The following PTPRT variants were observed in gnomAD, a reference collection of about 807,000 sequenced individuals.
PTPRT encodes the protein protein tyrosine phosphatase receptor type T.
PTPRT carries 56 observed loss-of-function variants against 176.8 expected under a neutral mutation model. That is an observed-to-expected ratio of 0.32 (90% CI 0.26 to 0.40). The LOEUF is 0.40. Ranked by LOEUF, PTPRT falls within the 10% of genes least tolerant of loss-of-function variation. PTPRT has a pLI of 1.00. For missense variants in PTPRT, 1,540 were observed against 1,908.2 expected (o/e 0.81, Z 3.60); for synonymous variants, 783 against 739.0 (o/e 1.06, Z -0.96).
chr20:42,492,968 AT>A (rs1353808377), intron 7 of PTPRT, among the ~76,000 whole-genome samples: 1 of 152,130 alleles, frequency 6.6e-6, no homozygotes, highest in Non-Finnish European at 1.5e-5. Context: ...GTCTCTAGTT[AT>A]TTTTTGTCTA....
chr20:43,102,362 G>A (rs2012430914), intron 1 of PTPRT, among the ~76,000 whole-genome samples: 1 of 150,722 alleles, frequency 6.6e-6, no homozygotes, highest in Non-Finnish European at 1.5e-5. Context: ...TTTTAAATGT[G>A]TACAACTAGT....
At chr20:42,328,110 C>A (rs2057911933) in intron 11 of PTPRT, among the ~76,000 whole-genome samples, 1 of 152,180 alleles carries the variant, frequency 6.6e-6, no homozygotes, top group Non-Finnish European at 1.5e-5. Flanking sequence ...ATAAGTAATT[C>A]TCATATCAAA....
intron 2 of PTPRT, among the ~76,000 whole-genome samples, chr20:42,828,045 A>G (rs1249646281): frequency 6.6e-6 from 1 of 152,186 alleles, no homozygotes; most frequent in Non-Finnish European, 1.5e-5. Context: ...ACTGGGTAAC[A>G]GGCAGAGATT....
intron 6 of PTPRT, among the ~76,000 whole-genome samples, chr20:42,722,106 C>T (rs1361446860): frequency 1.3e-5 from 2 of 152,198 alleles, no homozygotes; most frequent in African/African-American, 2.4e-5. Flanking sequence ...TCTTTGCTTC[C>T]TCCCAAGTGT....
intron 12 of PTPRT, among the ~76,000 whole-genome samples, chr20:42,312,029 G>C (rs1436337176): frequency 6.6e-6 from 1 of 152,156 alleles, no homozygotes; most frequent in Admixed American, 6.5e-5. Context: ...GAACTGTTAA[G>C]TTTTTACATT....
intron 9 of PTPRT, among the ~76,000 whole-genome samples, chr20:42,424,704 A>AC (rs1482428148): frequency 6.6e-6 from 1 of 151,940 alleles, no homozygotes; most frequent in African/African-American, 2.4e-5. Context: ...GCTCCTGGGC[A>AC]CTGTGAAACA....
rs141572490 is a variant in PTPRT at position 42,178,413 on chromosome 20, G to A, written c.2492-16871C>T. Among the ~76,000 whole-genome samples the A allele has an allele frequency of 3.9e-5, 6 of 152,258 alleles. No homozygotes were observed. The East Asian group carries it at 9.7e-4, about 25-fold the overall frequency. ...CCTGGCAGCTGCAATGAGAGGTCTGGACTGTAATTCCTATCTTCTTGTCTA... is the reference window on the plus strand; with the variant it reads ...CCTGGCAGCTGCAATGAGAGGTCTGAACTGTAATTCCTATCTTCTTGTCTA... On this transcript the variant is annotated intron_variant, in intron 16 of 30. Coordinates refer to ENST00000373187, the MANE Select transcript of PTPRT (RefSeq NM_007050.6).
At chr20:42,814,046 A>C (rs183950995) in intron 2 of PTPRT, among the ~76,000 whole-genome samples, 1 of 152,238 alleles carries the variant, frequency 6.6e-6, no homozygotes, top group Non-Finnish European at 1.5e-5. Flanking sequence ...GATACCCAGT[A>C]AACTTGATTT....
At chr20:42,620,476 G>T (rs903383996) in intron 7 of PTPRT, among the ~76,000 whole-genome samples, 7 of 148,400 alleles carry the variant, frequency 4.7e-5, no homozygotes, top group Admixed American at 4.6e-4. Flanking sequence ...CACCCAGTTC[G>T]AGCTTCCTGG....
chr20:42,274,311 G>A (rs190530098), intron 13 of PTPRT, among the ~76,000 whole-genome samples: 2 of 152,258 alleles, frequency 1.3e-5, no homozygotes, highest in East Asian at 3.9e-4. Flanking sequence ...GGTTCTCTGA[G>A]ACCACATATA....
chr20:43,077,839 A>G (rs1204655799), intron 1 of PTPRT, among the ~76,000 whole-genome samples: 1 of 152,204 alleles, frequency 6.6e-6, no homozygotes, highest in Non-Finnish European at 1.5e-5. Flanking sequence ...ACAAAGCAGT[A>G]GACCTCAGGA....
rs551862260 is a variant in PTPRT at position 42,212,742 on chromosome 20, C to G, written c.2343-13354G>C. Among the ~76,000 whole-genome samples the G allele has an allele frequency of 3.7e-4, 57 of 152,228 alleles. 1 individual carries two copies. In the South Asian group the frequency reaches 0.011, roughly 29 times the overall value. The stretch of plus-strand genomic sequence containing the variant: ...TAAACCACTTTGCCCAGGGTATGCA[C>G]ACAGTAAGCACTCAATAAATGCTCT... On this transcript the variant is annotated intron_variant, in intron 15 of 30. Coordinates refer to ENST00000373187, the MANE Select transcript of PTPRT (RefSeq NM_007050.6).
At chr20:42,175,385 T>C (rs1410687567) in intron 16 of PTPRT, among the ~76,000 whole-genome samples, 3 of 151,732 alleles carry the variant, frequency 2.0e-5, no homozygotes, top group Non-Finnish European at 4.4e-5. Context: ...TCTCCTGGAG[T>C]GTTTATAACT....
At chr20:42,036,489 G>A in the PTPRT span, among the ~76,000 whole-genome samples, 5 of 152,278 alleles carry the variant, frequency 3.3e-5, no homozygotes, top group African/African-American at 1.2e-4. Context: ...AAGTAGCAGA[G>A]CTCAATATTC....
chr20:42,251,517 G>C (rs1309787526), intron 13 of PTPRT, among the ~76,000 whole-genome samples: 1 of 151,968 alleles, frequency 6.6e-6, no homozygotes, highest in Non-Finnish European at 1.5e-5. Flanking sequence ...GTTAAGGTTT[G>C]AACAGAGAAG....
chr20:43,093,629 C>G lies in PTPRT; in HGVS notation c.88+96017G>C, dbSNP rs1012485145. On this transcript the variant is annotated intron_variant, in intron 1 of 30. Transcript: ENST00000373187. ...CCTCTGATCTATTTTCCAAGAGCAGCCAGAGTGATCCTCGGGAAGTTAACA... is the reference window on the plus strand; with the variant it reads ...CCTCTGATCTATTTTCCAAGAGCAGGCAGAGTGATCCTCGGGAAGTTAACA... 2.6e-5 allele frequency among the ~76,000 whole-genome samples: 4 copies of G among 152,222 alleles called. No homozygotes were observed. The South Asian group carries it at 8.3e-4, about 31-fold the overall frequency.
chr20:42,420,079 G>C (rs530368507), intron 9 of PTPRT, among the ~76,000 whole-genome samples: 157 of 152,278 alleles, frequency 1.0e-3, no homozygotes, highest in Middle Eastern at 0.01. Context: ...CTGAGACTGT[G>C]AGAGAATGAA....
intron 1 of PTPRT, among the ~76,000 whole-genome samples, chr20:43,112,196 AC>A (rs2012892231): frequency 6.6e-6 from 1 of 152,234 alleles, no homozygotes; most frequent in African/African-American, 2.4e-5. Flanking sequence ...GTAACATCTA[AC>A]AGCTCCTTCT....
At chr20:43,089,586 G>C (rs903305337) in intron 1 of PTPRT, among the ~76,000 whole-genome samples, 30 of 152,228 alleles carry the variant, frequency 2.0e-4, no homozygotes, top group African/African-American at 7.2e-4. Flanking sequence ...ACAGAAGCCA[G>C]GTGAGGTGGT....
Sources: gnomAD v4.1 joint callset for allele counts (sites outside exome capture counted in the v4.1 genomes callset) on GRCh38, gnomAD v4.1.1 for gene constraint, MANE v1.5 for transcripts, NCBI Gene and HGNC (gene_info 2026-07-23, HGNC 2026-07-21) for gene names.